The following ANAPC1 variants were observed in gnomAD, a reference collection of about 807,000 sequenced individuals.
ANAPC1 encodes the protein anaphase-promoting complex subunit 1.
ANAPC1 carries 36 observed loss-of-function variants against 208.0 expected under a neutral mutation model. That is an observed-to-expected ratio of 0.17 (90% CI 0.13 to 0.23). The LOEUF (loss-of-function observed/expected upper bound fraction) is 0.23, where lower values mean the gene tolerates loss of function less well. ANAPC1 is among the 10% of genes least tolerant of loss of function. ANAPC1 has a pLI of 1.00. For synonymous variants in ANAPC1, 378 were observed against 695.2 expected, an observed-to-expected ratio of 0.54 and a Z score of 7.18; for missense variants, 942 against 2,011.6, an observed-to-expected ratio of 0.47 and a Z score of 10.17.
chr2:111,847,572 T>C (rs1681160111), intron 15 of ANAPC1, among the ~76,000 whole-genome samples, 153 bp downstream of exon 15: 1 of 152,232 alleles, frequency 6.6e-6, no homozygotes, highest in African/African-American at 2.4e-5. Flanking sequence ...AATTACTGTA[T>C]AGTAAAAAGT....
chr2:111,862,575 C>G lies in ANAPC1; in HGVS notation c.1076G>C (p.Gly359Ala). 1.9e-6 allele frequency: 3 copies of G among 1,610,772 alleles called. No homozygotes were observed. The highest frequency in any genetic ancestry group is 2.5e-6 in the Non-Finnish European group (3 of 1,179,094). Residue 359 changes from glycine (G) to alanine (A), a missense_variant, in exon 10 of 48, where the codon GGA becomes GCA. Transcript: ENST00000341068. ...TTGCACCCCTGAAAAAGAGTGCACT[C>G]CTAACGCAGGAGAATGAGCACGACT... is the stretch of plus-strand genomic sequence containing the variant. Reference protein sequence around the residue: ...ALSRAHSPALGVHSFSGVQRF... With the variant: ...ALSRAHSPALAVHSFSGVQRF...
intron 3 of ANAPC1, among the ~76,000 whole-genome samples, chr2:111,875,275 ATT>A (rs1156643994): frequency 2.6e-5 from 4 of 152,126 alleles, no homozygotes; most frequent in Non-Finnish European, 5.9e-5. Context: ...AGTTTGTTTT[ATT>A]GTTGAGTTGT....
At chr2:111,882,104 A>C (rs1456805231) in intron 1 of ANAPC1, among the ~76,000 whole-genome samples, 1 of 152,048 alleles carries the variant, frequency 6.6e-6, no homozygotes, top group Admixed American at 6.5e-5. Context: ...GAATGGCGTG[A>C]ACCCAGGAGG....
intron 14 of ANAPC1, among the ~76,000 whole-genome samples, chr2:111,849,069 C>G (rs1433991210): frequency 6.6e-6 from 1 of 152,200 alleles, no homozygotes; most frequent in Non-Finnish European, 1.5e-5. Flanking sequence ...TTATATATCT[C>G]TAAGTGAATA....
intron 2 of ANAPC1, among the ~76,000 whole-genome samples, 200 bp from the exon 3 acceptor site, chr2:111,879,171 A>G (rs1217025937): frequency 6.6e-6 from 1 of 152,226 alleles, no homozygotes; most frequent in East Asian, 1.9e-4. Context: ...ATAATTCTCT[A>G]TATTGAATGT....
chr2:111,841,719 C>T (rs1332796619), intron 17 of ANAPC1, among the ~76,000 whole-genome samples: 2 of 152,072 alleles, frequency 1.3e-5, no homozygotes, highest in South Asian at 2.1e-4. Context: ...AGAGGCGTGA[C>T]GAACGCAACC....
At chr2:111,846,674 A>C (rs1287587758) in intron 16 of ANAPC1, among the ~76,000 whole-genome samples, 1 of 144,502 alleles carries the variant, frequency 6.9e-6, no homozygotes, top group Non-Finnish European at 1.5e-5. Flanking sequence ...GGTTCAAGCG[A>C]TTCTCCTGCT....
At chr2:111,782,780 G>A (rs557297022) in intron 42 of ANAPC1, among the ~76,000 whole-genome samples, 1 of 152,316 alleles carries the variant, frequency 6.6e-6, no homozygotes, top group African/African-American at 2.4e-5. Flanking sequence ...ATAGCATTTT[G>A]TCTAACATTT....
chr2:111,773,894 C>G (rs1019091514), intron 46 of ANAPC1, among the ~76,000 whole-genome samples: 1 of 151,466 alleles, frequency 6.6e-6, no homozygotes, highest in African/African-American at 2.4e-5. Context: ...TCTTTCACAG[C>G]TGAATCAGGA....
chr2:111,844,738 A>G (rs1680962006), intron 16 of ANAPC1, among the ~76,000 whole-genome samples: 1 of 152,238 alleles, frequency 6.6e-6, no homozygotes, highest in African/African-American at 2.4e-5. Flanking sequence ...TAACATGCCT[A>G]TTAACCAAAG....
intron 11 of ANAPC1, 195 bp from the exon 12 acceptor site, chr2:111,857,081 G>A: frequency 5.6e-6 from 3 of 534,744 alleles, no homozygotes; most frequent in Non-Finnish European, 1.0e-5. Context: ...TGGTGTATGT[G>A]ACTATAAGGA....
Position 111,837,560 on chromosome 2 carries a change from G to A in ANAPC1, c.2115+878C>T, listed in dbSNP as rs569716920. Among the ~76,000 whole-genome samples the A allele has an allele frequency of 1.6e-4, 25 of 151,710 alleles. No individual in the cohort carries two copies. The South Asian group carries it at 4.8e-3, about 29-fold the overall frequency. ...GCTTCAACCCAGGAGGTGGAGAGCC[G>A]ACATCGTGCCACTGCACTCCAGCCT... On this transcript the variant is annotated intron_variant, in intron 18 of 47. Coordinates refer to ENST00000341068, the MANE Select transcript of ANAPC1 (RefSeq NM_022662.4).
chr2:111,775,854 T>TA (rs1287808505), intron 46 of ANAPC1, among the ~76,000 whole-genome samples: 4 of 152,258 alleles, frequency 2.6e-5, no homozygotes, highest in Admixed American at 6.5e-5. Context: ...AAAATGAGGA[T>TA]AAAAATGACT....
At chr2:111,794,969 A>G in intron 34 of ANAPC1, 75 bp from the exon 35 acceptor site, 5 of 1,228,206 alleles carry the variant, frequency 4.1e-6, no homozygotes, top group Non-Finnish European at 5.7e-6. Context: ...GAAGAATAAC[A>G]TACTGCTTAT....
intron 30 of ANAPC1, among the ~76,000 whole-genome samples, chr2:111,804,506 CTTTTTTT>C (rs1183612859): frequency 1.3e-5 from 1 of 77,968 alleles, no homozygotes; most frequent in Non-Finnish European, 2.7e-5. Flanking sequence ...TGATTCTTTT[CTTTTTTT>C]TTTTTTTTTT....
chr2:111,838,619 A>G (rs1487380267), intron 17 of ANAPC1, 107 bp from the exon 18 acceptor site: 1 of 840,984 alleles, frequency 1.2e-6, no homozygotes, highest in Admixed American at 3.1e-5. Context: ...AAAACTGAGA[A>G]AAGCCATCAA....
At chr2:111,767,078 T>G (rs2104443596), downstream of ANAPC1, 1 of 426,800 alleles carries the variant, frequency 2.3e-6, no homozygotes, top group Non-Finnish European at 4.8e-6. Context: ...TATGGTTTCT[T>G]TAATTATGTC....
intron 22 of ANAPC1, among the ~76,000 whole-genome samples, chr2:111,825,520 A>G (rs899520751): frequency 6.6e-6 from 1 of 152,210 alleles, no homozygotes; most frequent in Non-Finnish European, 1.5e-5. Flanking sequence ...ATGTTGTTCA[A>G]GAGTCAATGG....
chr2:111,839,756 A>G (rs1194334134), intron 17 of ANAPC1, among the ~76,000 whole-genome samples: 5 of 152,292 alleles, frequency 3.3e-5, no homozygotes, highest in Non-Finnish European at 7.4e-5. Context: ...AACACACACA[A>G]ACTCCCACAG....
Sources: gnomAD v4.1 joint callset for allele counts (sites outside exome capture counted in the v4.1 genomes callset) on GRCh38, gnomAD v4.1.1 for gene constraint, MANE v1.5 for transcripts, NCBI Gene and HGNC (gene_info 2026-07-23, HGNC 2026-07-21) for gene names.